LRRFIP1: variants seen among roughly 807,000 people sequenced by gnomAD.
The protein encoded by LRRFIP1 is LRR binding FLII interacting protein 1.
LRRFIP1 carries 62 observed loss-of-function variants against 104.4 expected under a neutral mutation model. The observed-to-expected ratio is 0.59, with a 90% confidence interval of 0.48 to 0.73. The LOEUF (loss-of-function observed/expected upper bound fraction) is 0.73, where lower values mean the gene tolerates loss of function less well. Ranked by LOEUF, LRRFIP1 falls within the 30% of genes least tolerant of loss-of-function variation. The pLI, the probability that LRRFIP1 is intolerant of heterozygous loss-of-function variation, is 0.00. For synonymous variants in LRRFIP1, 300 were observed against 299.0 expected (o/e 1.00, Z -0.03); for missense variants, 796 against 824.5 (o/e 0.97, Z 0.42).
intron 14 of LRRFIP1, among the ~76,000 whole-genome samples, chr2:237,751,790 G>A (rs967690090): frequency 6.6e-6 from 1 of 152,190 alleles, no homozygotes; most frequent in African/African-American, 2.4e-5. Flanking sequence ...GGCTTTCTTG[G>A]AGCGTGTGCA....
At chr2:237,749,581 G>A (rs929725537) in intron 13 of LRRFIP1, among the ~76,000 whole-genome samples, 3 of 151,914 alleles carry the variant, frequency 2.0e-5, no homozygotes, top group East Asian at 1.9e-4. Flanking sequence ...CTCAGCACCC[G>A]GGGAATACCT....
intron 20 of LRRFIP1, 25 bp from the exon 21 acceptor site, chr2:237,772,056 A>C (rs2060690495): frequency 6.5e-7 from 1 of 1,531,054 alleles, no homozygotes; most frequent in African/African-American, 1.4e-5. Flanking sequence ...AGAAATTAAC[A>C]GATTTTACTG....
In LRRFIP1 at chr2:237,720,809, G is replaced by A. The variant is rs756562560; in HGVS notation, c.332G>A (p.Arg111His). 29 of 1,614,052 alleles carry A rather than the reference G, an allele frequency of 1.8e-5. No individual in the cohort carries two copies. The highest frequency in any genetic ancestry group is 1.7e-4 in the Middle Eastern group (1 of 6,060). ...GACGAGCGCATGTCAGTGGGTAGTCGTGGAAGCCTGAGGGTCAGTAACCAG... is the reference window on the plus strand; with the variant it reads ...GACGAGCGCATGTCAGTGGGTAGTCATGGAAGCCTGAGGGTCAGTAACCAG... The part of the protein sequence containing the change: ...DEDERMSVGS[R>H]GSLRSQPDLE... Residue 111 changes from arginine to histidine, a missense_variant, in exon 6 of 24, where the codon CGT becomes CAT. Arg to His is a conservative substitution (Grantham distance 29). Coordinates refer to ENST00000308482, the MANE Select transcript of LRRFIP1 (RefSeq NM_001137550.2).
intron 15 of LRRFIP1, among the ~76,000 whole-genome samples, chr2:237,755,015 G>A (rs1264238974): frequency 2.0e-5 from 3 of 152,222 alleles, no homozygotes; most frequent in Non-Finnish European, 2.9e-5. Flanking sequence ...GGAAGTGGGC[G>A]AACAGAAGTG....
intron 1 of LRRFIP1, among the ~76,000 whole-genome samples, chr2:237,697,517 A>G (rs866181121): frequency 5.3e-5 from 8 of 152,328 alleles, no homozygotes; most frequent in Middle Eastern, 3.4e-3. Context: ...ATCCAAGTAG[A>G]TAAGTTCATG....
chr2:237,774,898 T>C (rs1020554055), intron 23 of LRRFIP1, among the ~76,000 whole-genome samples: 1 of 152,222 alleles, frequency 6.6e-6, no homozygotes, highest in Non-Finnish European at 1.5e-5. Context: ...AGAGTGCCCT[T>C]GAGAAGCCGA....
intron 1 of LRRFIP1, chr2:237,692,061 GGTCATGGGGCGGGGGCGGTGGGGCGA>G (rs1381017601): frequency 2.4e-5 from 10 of 422,894 alleles, no homozygotes; most frequent in Non-Finnish European, 3.1e-5. Context: ...GGGGAAGGCG[GGTCATGGGGCGGGGGCGGTGGGGCGA>G]GTCATGGGGC....
intron 1 of LRRFIP1, among the ~76,000 whole-genome samples, chr2:237,686,777 G>A (rs1048697070): frequency 3.3e-5 from 5 of 152,252 alleles, no homozygotes. Flanking sequence ...CTGGCCTGAG[G>A]GCCAAGAATA....
chr2:237,714,790 A>G (rs1474882768), intron 3 of LRRFIP1, among the ~76,000 whole-genome samples: 4 of 152,220 alleles, frequency 2.6e-5, no homozygotes, highest in African/African-American at 9.6e-5. Flanking sequence ...TCTGTTTCCT[A>G]GTATTTTGTA....
chr2:237,630,415 C>T (rs535176935), intron 1 of LRRFIP1, among the ~76,000 whole-genome samples: 99 of 152,274 alleles, frequency 6.5e-4, no homozygotes, highest in East Asian at 2.5e-3. Flanking sequence ...AGGAACCCGG[C>T]GAGGACCTGC....
At chr2:237,709,931 C>T (rs2093991078) in intron 2 of LRRFIP1, among the ~76,000 whole-genome samples, 1 of 151,908 alleles carries the variant, frequency 6.6e-6, no homozygotes, top group Non-Finnish European at 1.5e-5. Flanking sequence ...CTACTCACTG[C>T]AACCTCCACC....
chr2:237,729,813 A>G, intron 8 of LRRFIP1: 1 of 985,386 alleles, frequency 1.0e-6, no homozygotes, highest in Non-Finnish European at 1.2e-6. Context: ...CAGATTCTCT[A>G]CTTTGTCATC....
rs1206658551 is a variant in LRRFIP1, at chr2:237,728,676, T to C, written c.444+741T>C. Among the ~76,000 whole-genome samples, 3 of 152,214 alleles carry C rather than the reference T, an allele frequency of 2.0e-5. No homozygotes were observed. The East Asian group carries it at 5.8e-4, about 29-fold the overall frequency. Reference sequence around the variant, plus strand: ...ATGGTCTAAAAATTTCCTGTTCTCATGCTTCATTTTTTTCTTTTAGTAATA... The same window carrying C: ...ATGGTCTAAAAATTTCCTGTTCTCACGCTTCATTTTTTTCTTTTAGTAATA... On this transcript the variant is annotated intron_variant, in intron 8 of 23. Coordinates refer to ENST00000308482, the MANE Select transcript of LRRFIP1 (RefSeq NM_001137550.2).
chr2:237,673,348 C>T (rs2090630441), intron 1 of LRRFIP1, among the ~76,000 whole-genome samples: 1 of 152,272 alleles, frequency 6.6e-6, no homozygotes, highest in East Asian at 1.9e-4. Flanking sequence ...CCATGGTAGG[C>T]GCCCGGGGGG....
At chr2:237,643,190 G>A (rs555532009) in intron 1 of LRRFIP1, among the ~76,000 whole-genome samples, 10 of 152,376 alleles carry the variant, frequency 6.6e-5, no homozygotes, top group African/African-American at 2.4e-4. Context: ...GGGCCACAGG[G>A]CCGCCGCGCA....
intron 4 of LRRFIP1, among the ~76,000 whole-genome samples, chr2:237,719,302 A>C (rs1303144909): frequency 6.6e-6 from 1 of 152,266 alleles, no homozygotes; most frequent in African/African-American, 2.4e-5. Flanking sequence ...AAAATGAAGT[A>C]TGCAAATTAT....
At chr2:237,758,560 G>A (rs1037911841) in intron 17 of LRRFIP1, among the ~76,000 whole-genome samples, 169 bp from the exon 18 acceptor site, 1 of 152,202 alleles carries the variant, frequency 6.6e-6, no homozygotes, top group Non-Finnish European at 1.5e-5. Flanking sequence ...TATACTAAGC[G>A]AAAAGCTTAA....
At chr2:237,736,213 T>G (rs1326565242) in intron 10 of LRRFIP1, among the ~76,000 whole-genome samples, 2 of 152,240 alleles carry the variant, frequency 1.3e-5, no homozygotes, top group Non-Finnish European at 2.9e-5. Flanking sequence ...CTTTAAAATG[T>G]AATTTATGAA....
intron 1 of LRRFIP1, among the ~76,000 whole-genome samples, chr2:237,688,070 A>G (rs1385342174): frequency 6.6e-6 from 1 of 152,250 alleles, no homozygotes; most frequent in Non-Finnish European, 1.5e-5. Flanking sequence ...GGAGTCTCCT[A>G]TACTTCTGAG....
Sources: allele counts gnomAD v4.1 joint callset (sites outside exome capture counted in the v4.1 genomes callset), GRCh38; gene constraint gnomAD v4.1.1; transcripts MANE v1.5; gene names NCBI Gene and HGNC (gene_info 2026-07-23, HGNC 2026-07-21).